GRM8: variants seen among roughly 807,000 people sequenced by gnomAD.
The protein encoded by GRM8 is glutamate metabotropic receptor 8.
In GRM8, 47 loss-of-function variants were observed where a neutral mutation model predicts 87.2. The ratio of observed to expected loss-of-function variants is 0.54; its 90% CI spans 0.43 to 0.69. The LOEUF (loss-of-function observed/expected upper bound fraction) is 0.69. GRM8 is among the 30% of genes least tolerant of loss of function. The pLI is 0.00. For synonymous variants in GRM8, 396 were observed against 404.5 expected (o/e 0.98, Z 0.25); for missense variants, 1,019 against 1,139.2 (o/e 0.89, Z 1.52).
intron 3 of GRM8, among the ~76,000 whole-genome samples, chr7:127,026,634 G>A (rs879671824): frequency 2.0e-5 from 3 of 152,112 alleles, no homozygotes; most frequent in Non-Finnish European, 4.4e-5. Flanking sequence ...TTTTTTGGCT[G>A]CATAAATGTC....
At chr7:127,142,455 G>A (rs1380534857) in intron 2 of GRM8, among the ~76,000 whole-genome samples, 1 of 152,124 alleles carries the variant, frequency 6.6e-6, no homozygotes, top group Non-Finnish European at 1.5e-5. Context: ...GTGACAAGTA[G>A]TGCTTTTCAA....
At chr7:126,668,448 CCT>C (rs1806029799) in intron 7 of GRM8, among the ~76,000 whole-genome samples, 1 of 152,128 alleles carries the variant, frequency 6.6e-6, no homozygotes, top group Admixed American at 6.5e-5. Context: ...CCCCCAACCC[CCT>C]GTCTCCCCCA....
intron 7 of GRM8, among the ~76,000 whole-genome samples, chr7:126,684,984 G>A (rs1212876691): frequency 9.9e-5 from 15 of 152,198 alleles, no homozygotes; most frequent in Admixed American, 9.8e-4. Context: ...CTACAGCAAG[G>A]AGGCACAAGT....
intron 2 of GRM8, among the ~76,000 whole-genome samples, chr7:127,195,832 TC>T (rs1408792450): frequency 6.6e-6 from 1 of 152,182 alleles, no homozygotes; most frequent in African/African-American, 2.4e-5. Flanking sequence ...TCCACCCCCT[TC>T]CGCAAAATGC....
At chr7:126,843,754 G>A (rs1166737718) in intron 6 of GRM8, among the ~76,000 whole-genome samples, 2 of 152,212 alleles carry the variant, frequency 1.3e-5, no homozygotes, top group East Asian at 1.9e-4. Flanking sequence ...GAGGAACAGC[G>A]CTGCTGTTTT....
intron 2 of GRM8, among the ~76,000 whole-genome samples, chr7:127,212,309 G>A (rs1796256757): frequency 2.0e-5 from 3 of 152,028 alleles, no homozygotes; most frequent in Non-Finnish European, 2.9e-5. Context: ...ATAGAATTTC[G>A]CAGGAAGTCT....
At chr7:126,852,737 G>T (rs968431614) in intron 6 of GRM8, among the ~76,000 whole-genome samples, 2 of 152,020 alleles carry the variant, frequency 1.3e-5, no homozygotes, top group African/African-American at 4.8e-5. Flanking sequence ...TCCAGCCTGT[G>T]TAATTAATCT....
intron 8 of GRM8, among the ~76,000 whole-genome samples, chr7:126,604,369 C>T (rs544275238): frequency 2.0e-5 from 3 of 152,150 alleles, no homozygotes; most frequent in Admixed American, 6.6e-5. Context: ...TACAGCTACT[C>T]CCTATTCAGA....
Position 127,232,225 on chromosome 7 carries a change from G to GAC in GRM8, c.510+10469_510+10470insGT, listed in dbSNP as rs1797735701. On this transcript the variant is annotated intron_variant, in intron 2 of 10. Transcript: ENST00000339582. ...TGTGTGTGTGTGTGAGAGAGAGAGA[G>GAC]AGAGAGAGAGAGAGACAGACAGACA... 1.3e-4 allele frequency among the ~76,000 whole-genome samples: 19 copies of GAC among 151,508 alleles called. No individual in the cohort carries two copies. The South Asian group carries it at 3.8e-3, about 30-fold the overall frequency.
intron 3 of GRM8, among the ~76,000 whole-genome samples, chr7:127,097,838 C>T (rs1038534429): frequency 2.0e-5 from 3 of 152,168 alleles, no homozygotes; most frequent in African/African-American, 7.2e-5. Context: ...ATCAAACTGC[C>T]ATTGTTTACT....
At chr7:126,488,078 TC>T (rs1807581768) in intron 9 of GRM8, among the ~76,000 whole-genome samples, 1 of 152,026 alleles carries the variant, frequency 6.6e-6, no homozygotes, top group African/African-American at 2.4e-5. Flanking sequence ...GATTAGAAGT[TC>T]TTCTTTCTCA....
In GRM8 at chr7:126,633,721, C is replaced by T. The variant is rs533135810; in HGVS notation, c.1358-24223G>A. 4.0e-5 allele frequency among the ~76,000 whole-genome samples: 6 copies of T among 151,764 alleles called. No individual in the cohort carries two copies. In the South Asian group the frequency reaches 1.0e-3, roughly 26 times the overall value. On this transcript the variant is annotated intron_variant, in intron 7 of 10. Transcript: ENST00000339582. ...TACAATTTTTTGTATGTTAAAATAACCTCTTTCACTAAATAACTATTTGGT... is the reference window on the plus strand; with the variant it reads ...TACAATTTTTTGTATGTTAAAATAATCTCTTTCACTAAATAACTATTTGGT...
chr7:127,013,728 A>G (rs1183525546), intron 3 of GRM8, among the ~76,000 whole-genome samples: 1 of 152,050 alleles, frequency 6.6e-6, no homozygotes, highest in Non-Finnish European at 1.5e-5. Context: ...CTTTTTCAGG[A>G]GCTGTTTTTG....
At chr7:126,782,900 A>C (rs1452882249) in intron 6 of GRM8, among the ~76,000 whole-genome samples, 1 of 152,180 alleles carries the variant, frequency 6.6e-6, no homozygotes, top group Non-Finnish European at 1.5e-5. Flanking sequence ...GTATAGTGCC[A>C]GTGGCTGATT....
At chr7:126,642,067 G>A (rs1010274299) in intron 7 of GRM8, among the ~76,000 whole-genome samples, 1 of 152,218 alleles carries the variant, frequency 6.6e-6, no homozygotes, top group African/African-American at 2.4e-5. Flanking sequence ...CACTAGCATC[G>A]TCTGTCATAA....
At chr7:126,549,662 T>C (rs993034719) in intron 8 of GRM8, among the ~76,000 whole-genome samples, 2 of 152,190 alleles carry the variant, frequency 1.3e-5, no homozygotes, top group African/African-American at 4.8e-5. Flanking sequence ...TAATTAATAA[T>C]ATGACAAGGT....
intron 6 of GRM8, among the ~76,000 whole-genome samples, chr7:126,821,302 C>T (rs1794275662): frequency 6.6e-6 from 1 of 152,040 alleles, no homozygotes; most frequent in Non-Finnish European, 1.5e-5. Flanking sequence ...TTAAATATAC[C>T]AAATTCTCTC....
chr7:126,975,034 G>A lies in GRM8; in HGVS notation c.728-70351C>T, dbSNP rs115362892. ...AAGTTCAGATGCCTCAAAGCTGAGA[G>A]GGCTCATAGGTTGGAATCCCCATTC... On this transcript the variant is annotated intron_variant, in intron 3 of 10. Transcript: ENST00000339582. 9.3e-3 allele frequency among the ~76,000 whole-genome samples: 1,406 copies of A among 150,950 alleles called. 22 individuals are homozygous for A. The highest frequency in any genetic ancestry group is 0.032 in the African/African-American group (1,326 of 41,074).
At chr7:127,016,885 TCAAA>T (rs1014629191) in intron 3 of GRM8, among the ~76,000 whole-genome samples, 2 of 152,056 alleles carry the variant, frequency 1.3e-5, no homozygotes, top group Non-Finnish European at 2.9e-5. Flanking sequence ...TTTTCACTTT[TCAAA>T]CAATCATCTT....
Sources: gnomAD v4.1 joint callset for allele counts (sites outside exome capture counted in the v4.1 genomes callset) on GRCh38, gnomAD v4.1.1 for gene constraint, MANE v1.5 for transcripts, NCBI Gene and HGNC (gene_info 2026-07-23, HGNC 2026-07-21) for gene names.